Variants in PRKN observed in about 807,000 individuals in gnomAD.
The protein encoded by PRKN is parkin RBR E3 ubiquitin protein ligase.
Under a neutral mutation model 59.5 loss-of-function variants are expected in PRKN, and 56 were observed. That is an observed-to-expected ratio of 0.94 (90% CI 0.76 to 1.18). The LOEUF (loss-of-function observed/expected upper bound fraction) is 1.18. Ranked by LOEUF, PRKN falls within the 50% of genes most tolerant of loss-of-function variation. The probability of loss-of-function intolerance (pLI) is 0.00; values close to 1 mark genes in which losing one functional copy is unlikely to be tolerated. For missense variants in PRKN, 657 were observed against 596.4 expected, an observed-to-expected ratio of 1.10 and a Z score of -1.06; for synonymous variants, 250 against 222.1, an observed-to-expected ratio of 1.13 and a Z score of -1.12.
At position 161,569,487 on chromosome 6, in the gene PRKN, T is replaced by A. The variant is rs927398130; in HGVS notation, c.872-71A>T. 6.3e-6 allele frequency: 8 copies of A among 1,264,192 alleles called. No homozygotes were observed. In the African/African-American group the frequency reaches 1.2e-4, roughly 19 times the overall value. The allele number at this position is 1,264,192 out of a possible 1,614,324, so 78.3% of individuals were successfully genotyped here. ...TGTGGTTATATGTTCTTACACAGAG[T>A]TATGACTATCAACTGCCAGTGTTGC... On this transcript the variant is annotated intron_variant, in intron 7 of 11. Transcript: ENST00000366898.
At position 162,064,352 on chromosome 6, in the gene PRKN, C is replaced by T. The variant is rs182679856; in HGVS notation, c.535-10178G>A. 2.5e-3 allele frequency among the ~76,000 whole-genome samples: 374 copies of T among 151,766 alleles called. 2 individuals carry two copies. Among genetic ancestry groups the T allele is most frequent in the African/African-American group, 8.6e-3 (357 of 41,442 alleles). On this transcript the variant is annotated intron_variant, in intron 4 of 11. Coordinates refer to ENST00000366898, the MANE Select transcript of PRKN (RefSeq NM_004562.3). ...TAGTTACATGAGTGTATGTAACTGTCGAAGCTTTTAGAATTGACACAGTGC... is the reference window on the plus strand; with the variant it reads ...TAGTTACATGAGTGTATGTAACTGTTGAAGCTTTTAGAATTGACACAGTGC...
chr6:162,111,546 A>T (rs1048771594), intron 4 of PRKN, among the ~76,000 whole-genome samples: 1 of 152,090 alleles, frequency 6.6e-6, no homozygotes, highest in Non-Finnish European at 1.5e-5. Context: ...TCACATACAT[A>T]CACACATGTA....
At chr6:162,055,548 C>T (rs764241316) in intron 4 of PRKN, among the ~76,000 whole-genome samples, 11 of 152,048 alleles carry the variant, frequency 7.2e-5, no homozygotes, top group Non-Finnish European at 1.5e-4. Flanking sequence ...ACGGGAGGGG[C>T]GGAGTAAGAG....
chr6:162,180,875 G>T (rs1272187614), intron 4 of PRKN, among the ~76,000 whole-genome samples: 4 of 152,092 alleles, frequency 2.6e-5, no homozygotes, highest in Non-Finnish European at 5.9e-5. Context: ...TATATTAACT[G>T]GACAACACAA....
At chr6:162,672,685 A>AGT (rs56722608) in intron 1 of PRKN, among the ~76,000 whole-genome samples, 151 of 149,168 alleles carry the variant, frequency 1.0e-3, no homozygotes, top group Middle Eastern at 6.8e-3. Flanking sequence ...TTGGGGGAAA[A>AGT]GTGTGTGTGT....
chr6:162,633,432 CAAAAAAAAAAA>C (rs531688324), intron 1 of PRKN, among the ~76,000 whole-genome samples: 7,954 of 62,086 alleles, frequency 0.13, 474 homozygotes, highest in Middle Eastern at 0.27. Flanking sequence ...AAGACTGTCT[CAAAAAAAAAAA>C]AAAAAAAAAA....
chr6:162,228,711 T>C (rs1778292887), intron 3 of PRKN, among the ~76,000 whole-genome samples: 2 of 152,174 alleles, frequency 1.3e-5, no homozygotes, highest in African/African-American at 2.4e-5. Context: ...GGCGAAAACA[T>C]GAAAATTGAC....
chr6:161,649,358 A>G (rs1348130839), intron 7 of PRKN, among the ~76,000 whole-genome samples: 1 of 152,220 alleles, frequency 6.6e-6, no homozygotes, highest in African/African-American at 2.4e-5. Context: ...ATGATGCAAC[A>G]GTGAAGAAGT....
intron 4 of PRKN, among the ~76,000 whole-genome samples, chr6:162,124,905 TAAG>T (rs2128306476): frequency 6.6e-6 from 1 of 152,228 alleles, no homozygotes; most frequent in South Asian, 2.1e-4. Flanking sequence ...GAAGAATGAC[TAAG>T]AAGGAATGAA....
At chr6:161,718,614 G>A (rs1787089395) in intron 7 of PRKN, among the ~76,000 whole-genome samples, 1 of 152,124 alleles carries the variant, frequency 6.6e-6, no homozygotes, top group East Asian at 1.9e-4. Context: ...GGCACCCCGA[G>A]AGAAACAGCC....
chr6:161,614,216 T>C lies in PRKN; in HGVS notation c.872-44800A>G, dbSNP rs113392634. On this transcript the variant is annotated intron_variant, in intron 7 of 11. Coordinates refer to ENST00000366898, the MANE Select transcript of PRKN (RefSeq NM_004562.3). ...GGAGAGCCTCCCTATTTGAGGTCTG[T>C]GACCTTTATAGCTGTAGCTGCATTC... is the stretch of plus-strand genomic sequence containing the variant. Among the ~76,000 whole-genome samples the C allele has an allele frequency of 8.5e-3, 1,301 of 152,324 alleles. 18 individuals are homozygous for C. The highest frequency in any genetic ancestry group is 0.051 in the South Asian group (245 of 4,832).
chr6:162,373,029 C>T (rs1785856691), intron 2 of PRKN, among the ~76,000 whole-genome samples: 1 of 152,024 alleles, frequency 6.6e-6, no homozygotes, highest in African/African-American at 2.4e-5. Context: ...GGTCAATTCC[C>T]TTCCCTAGCA....
intron 2 of PRKN, among the ~76,000 whole-genome samples, chr6:162,359,590 TTA>T (rs533605421): frequency 0.05 from 4,365 of 87,974 alleles, 205 homozygotes; most frequent in African/African-American, 0.24. Flanking sequence ...CCTTTTAAAA[TTA>T]AAAAAAAAAA....
intron 7 of PRKN, among the ~76,000 whole-genome samples, chr6:161,614,929 A>G (rs1782631701): frequency 6.6e-6 from 1 of 151,328 alleles, no homozygotes; most frequent in African/African-American, 2.4e-5. Context: ...CAACAACAGC[A>G]GTTTCTTATT....
intron 2 of PRKN, among the ~76,000 whole-genome samples, chr6:162,402,821 G>GT (rs1187810422): frequency 6.6e-6 from 1 of 151,854 alleles, no homozygotes; most frequent in South Asian, 2.1e-4. Flanking sequence ...CTGAGTGATT[G>GT]TTTTTTAGCT....
chr6:162,569,265 C>T (rs550196158), intron 1 of PRKN: 2 of 588,850 alleles, frequency 3.4e-6, no homozygotes, highest in East Asian at 3.4e-5. Flanking sequence ...CAGAGGGCTT[C>T]CCTGGAGGCC....
rs9355349 is a variant in PRKN at position 161,488,221 on chromosome 6, T to G, written c.1083+60633A>C. On this transcript the variant is annotated intron_variant, in intron 9 of 11. Coordinates refer to ENST00000366898, the MANE Select transcript of PRKN (RefSeq NM_004562.3). The surrounding 1 kb of genome is among the most constrained non-coding windows in gnomAD (Gnocchi z 4.5). ...AAGGTCCTCCAGGAAGGGAGAGTCA[T>G]GGCCCTAGGAAGAGGACAAGTCTGC... Among the ~76,000 whole-genome samples the G allele has an allele frequency of 1.3e-5, 2 of 151,868 alleles. No homozygotes were observed. The highest frequency in any genetic ancestry group is 1.5e-5 in the Non-Finnish European group (1 of 67,956).
intron 4 of PRKN, among the ~76,000 whole-genome samples, chr6:162,118,607 T>C (rs1010796307): frequency 2.6e-5 from 4 of 152,192 alleles, no homozygotes; most frequent in African/African-American, 7.2e-5. Flanking sequence ...AGTCCTAACC[T>C]TGAAATGCCC....
chr6:162,288,451 A>C (rs964088591), intron 2 of PRKN, among the ~76,000 whole-genome samples: 5 of 152,146 alleles, frequency 3.3e-5, no homozygotes, highest in Non-Finnish European at 5.9e-5. Context: ...TTGTTCAGCA[A>C]AAGGGAGATT....
Sources: gnomAD v4.1 joint callset for allele counts (sites outside exome capture counted in the v4.1 genomes callset) on GRCh38, gnomAD v4.1.1 for gene constraint, Gnocchi (gnomAD v3.1) non-coding constraint, MANE v1.5 for transcripts, NCBI Gene and HGNC (gene_info 2026-07-23, HGNC 2026-07-21) for gene names.